Variants in RNF216 observed in about 807,000 individuals in gnomAD.
RNF216 encodes the protein E3 ubiquitin-protein ligase RNF216.
In RNF216, 72 loss-of-function variants were observed where a neutral mutation model predicts 110.8. The observed-to-expected ratio is 0.65, with a 90% CI of 0.54 to 0.79. The LOEUF (loss-of-function observed/expected upper bound fraction) is 0.79, where lower values mean the gene tolerates loss of function less well. Among genes scored for constraint, RNF216 ranks in the 30% least tolerant of loss-of-function variants. RNF216 has a pLI of 0.00. For synonymous variants in RNF216, 495 were observed against 407.5 expected, an observed-to-expected ratio of 1.21 and a Z score of -2.59; for missense variants, 1,342 against 1,141.2, an observed-to-expected ratio of 1.18 and a Z score of -2.54.
intron 7 of RNF216, among the ~76,000 whole-genome samples, chr7:5,726,963 C>A (rs939418396): frequency 2.0e-5 from 3 of 152,034 alleles, no homozygotes; most frequent in African/African-American, 7.2e-5. Context: ...TAAGGCCATT[C>A]CGCCTGCAAG....
chr7:5,761,015 G>A lies in RNF216; in HGVS notation c.55C>T (p.His19Tyr), dbSNP rs759255012. The A allele has an allele frequency of 4.5e-5, 71 of 1,572,878 alleles. No homozygotes were observed. The highest frequency in any genetic ancestry group is 1.7e-4 in the Middle Eastern group (1 of 6,004). ...EVIHLNNFHC[H>Y]RGQEWINLRD... ...ACAAACAACTTACCTTGTCCCCGAT[G>A]GCAGTGAAAGTTGTTCAAGTGAATT... Residue 19 changes from histidine to tyrosine, a missense_variant, in exon 2 of 17, where the codon CAT becomes TAT. Physicochemically the swap from His to Tyr is moderately conservative, Grantham distance 83 (BLOSUM62 2). Transcript: ENST00000389902.
intron 14 of RNF216, among the ~76,000 whole-genome samples, chr7:5,642,999 G>A (rs1271657378): frequency 6.6e-6 from 1 of 152,060 alleles, no homozygotes; most frequent in Non-Finnish European, 1.5e-5. Flanking sequence ...GTCTTTTCAT[G>A]AAGGCTTGGA....
chr7:5,767,856 C>T (rs929953035), intron 1 of RNF216, among the ~76,000 whole-genome samples: 1 of 152,116 alleles, frequency 6.6e-6, no homozygotes, highest in African/African-American at 2.4e-5. Flanking sequence ...GCTTTGGCCT[C>T]CCAAAGTACT....
intron 1 of RNF216, among the ~76,000 whole-genome samples, chr7:5,771,639 A>G (rs1796498950): frequency 6.6e-6 from 1 of 152,008 alleles, no homozygotes; most frequent in Non-Finnish European, 1.5e-5. Context: ...CTACAAAAAA[A>G]GCAAAAAAAT....
intron 2 of RNF216, among the ~76,000 whole-genome samples, chr7:5,757,992 TG>T (rs1279598455): frequency 6.6e-6 from 1 of 152,136 alleles, no homozygotes; most frequent in African/African-American, 2.4e-5. Flanking sequence ...GACCCTCTCT[TG>T]ATTAAAGAAA....
intron 13 of RNF216, among the ~76,000 whole-genome samples, chr7:5,673,539 T>C (rs766716300): frequency 7.2e-5 from 11 of 152,278 alleles, no homozygotes; most frequent in Admixed American, 4.6e-4. Flanking sequence ...TGGGGCAGTA[T>C]GCAGGGAAGA....
rs1562799958 is a variant in RNF216 at position 5,660,947 on chromosome 7, T to TTTTTTTTTTTTTG, written c.2062-8438_2062-8437insCAAAAAAAAAAAA. On this transcript the variant is annotated intron_variant, in intron 13 of 16. Coordinates refer to ENST00000389902, the MANE Select transcript of RNF216 (RefSeq NM_207111.4). Reference sequence around the variant, plus strand: ...TCCATGCTCCTGAAGCCTTAGGTTTTTTTTTTTTTTTTTTTTTTTTTGAAA... The same window carrying TTTTTTTTTTTTTG: ...TCCATGCTCCTGAAGCCTTAGGTTTTTTTTTTTTTTTTGTTTTTTTTTTTTTTTTTTTTTGAAA... Among the ~76,000 whole-genome samples the TTTTTTTTTTTTTG allele has an allele frequency of 6.7e-5, 9 of 133,812 alleles. No individual in the cohort carries two copies. In the East Asian group the frequency reaches 1.8e-3, roughly 27 times the overall value. 87.8% of individuals were successfully genotyped at this position (133,812 alleles called of 152,430 possible).
At chr7:5,655,570 CACTCCAGCCTGGGCAACAGAGCAAG>C (rs1224916081) in intron 13 of RNF216, among the ~76,000 whole-genome samples, 4 of 152,050 alleles carry the variant, frequency 2.6e-5, no homozygotes, top group Non-Finnish European at 5.9e-5. Context: ...CGCACCACTG[CACTCCAGCCTGGGCAACAGAGCAAG>C]ACTCCATCTC....
intron 13 of RNF216, among the ~76,000 whole-genome samples, chr7:5,675,602 C>A (rs551256188): frequency 6.6e-5 from 10 of 152,292 alleles, no homozygotes; most frequent in South Asian, 4.1e-4. Flanking sequence ...GATCACATCA[C>A]TGCGCTCCAG....
chr7:5,641,075 G>T, intron 15 of RNF216, 79 bp downstream of exon 15: 1 of 1,150,534 alleles, frequency 8.7e-7, no homozygotes, highest in Non-Finnish European at 1.2e-6. Flanking sequence ...ATTTTGTTAC[G>T]TATATTCAAA....
At chr7:5,699,050 T>C (rs1355267268) in intron 13 of RNF216, among the ~76,000 whole-genome samples, 2 of 151,934 alleles carry the variant, frequency 1.3e-5, no homozygotes, top group African/African-American at 4.8e-5. Context: ...TTTTTAAAAC[T>C]AACTTTTTAT....
chr7:5,635,679 C>T (rs1787354938), intron 15 of RNF216, among the ~76,000 whole-genome samples: 4 of 152,288 alleles, frequency 2.6e-5, no homozygotes, highest in Middle Eastern at 3.4e-3. Flanking sequence ...GGGAATACTC[C>T]GAGGACAAAT....
intron 4 of RNF216, among the ~76,000 whole-genome samples, chr7:5,740,104 C>CTTTTTTTTTTTTTTTTTTTTTTTTTT (rs71004698): frequency 8.4e-6 from 1 of 118,500 alleles, no homozygotes; most frequent in Non-Finnish European, 1.7e-5. Flanking sequence ...GATGTAACAC[C>CTTTTTTTTTTTTTTTTTTTTTTTTTT]TTTTTTTTTT....
chr7:5,779,127 T>C (rs944900108), intron 1 of RNF216, among the ~76,000 whole-genome samples: 7 of 152,236 alleles, frequency 4.6e-5, no homozygotes, highest in African/African-American at 7.2e-5. Flanking sequence ...AGCTAGAATA[T>C]AGCAATGCCT....
chr7:5,723,238 T>C (rs1362250972), intron 8 of RNF216, among the ~76,000 whole-genome samples: 1 of 152,252 alleles, frequency 6.6e-6, no homozygotes, highest in South Asian at 2.1e-4. Context: ...ACTGTAATTA[T>C]CAATGCTACA....
chr7:5,666,249 A>G (rs1789513955), intron 13 of RNF216, among the ~76,000 whole-genome samples: 1 of 152,098 alleles, frequency 6.6e-6, no homozygotes, highest in South Asian at 2.1e-4. Flanking sequence ...GGGGACACAC[A>G]TTAAGTGTAA....
intron 13 of RNF216, among the ~76,000 whole-genome samples, chr7:5,687,754 G>A (rs922183472): frequency 3.9e-5 from 6 of 152,212 alleles, no homozygotes; most frequent in Admixed American, 3.9e-4. Context: ...GAGAAGATAA[G>A]TGAATCCACT....
chr7:5,727,058 T>C (rs1464097006), intron 7 of RNF216, among the ~76,000 whole-genome samples: 1 of 152,098 alleles, frequency 6.6e-6, no homozygotes, highest in African/African-American at 2.4e-5. Context: ...GGGGCTCATG[T>C]CCTGTGGCTA....
chr7:5,714,523 G>A (rs1464161949), intron 11 of RNF216, among the ~76,000 whole-genome samples: 2 of 152,208 alleles, frequency 1.3e-5, no homozygotes, highest in Non-Finnish European at 2.9e-5. Context: ...CTCCCAAAGT[G>A]CTGGGATTAC....
Sources: allele counts gnomAD v4.1 joint callset (sites outside exome capture counted in the v4.1 genomes callset), GRCh38; gene constraint gnomAD v4.1.1; transcripts MANE v1.5; gene names NCBI Gene and HGNC (gene_info 2026-07-23, HGNC 2026-07-21).